Variants in BMAL2 observed in about 807,000 individuals in gnomAD.
The protein encoded by BMAL2 is basic helix-loop-helix ARNT-like protein 2.
chr12:27,418,236 C>A, the BMAL2 span: 1 of 1,324,064 alleles, frequency 7.6e-7, no homozygotes, highest in Non-Finnish European at 1.1e-6. Flanking sequence ...TTTCGTTTAT[C>A]AAAACCCCCC....
chr12:27,349,776 C>A, the BMAL2 span, among the ~76,000 whole-genome samples: 1 of 152,076 alleles, frequency 6.6e-6, no homozygotes, highest in African/African-American at 2.4e-5. Flanking sequence ...GGTCTTTATT[C>A]TAACTTCTAT....
chr12:27,340,985 C>T, the BMAL2 span, among the ~76,000 whole-genome samples: 2 of 152,156 alleles, frequency 1.3e-5, no homozygotes, highest in Non-Finnish European at 2.9e-5. Context: ...TGAAATTATG[C>T]ATCGGCTTAA....
chr12:27,379,027 G>T, the BMAL2 span, among the ~76,000 whole-genome samples: 2 of 151,242 alleles, frequency 1.3e-5, no homozygotes. Context: ...ATGATAGCTA[G>T]TGAGCTAAAA....
chr12:27,400,332 A>G, the BMAL2 span, among the ~76,000 whole-genome samples: 3 of 152,180 alleles, frequency 2.0e-5, no homozygotes, highest in African/African-American at 7.2e-5. Flanking sequence ...AGTTCCTGAG[A>G]AAAATAATCT....
At chr12:27,337,625 TGGA>T in the BMAL2 span, among the ~76,000 whole-genome samples, 1 of 152,194 alleles carries the variant, frequency 6.6e-6, no homozygotes, top group South Asian at 2.1e-4. Flanking sequence ...TTTGTATGTG[TGGA>T]GGAGGAGAAC....
chr12:27,413,264 C>T, the BMAL2 span, among the ~76,000 whole-genome samples: 1 of 152,096 alleles, frequency 6.6e-6, no homozygotes, highest in East Asian at 1.9e-4. Flanking sequence ...ACATAAATCA[C>T]TTTGAATTCT....
the BMAL2 span, among the ~76,000 whole-genome samples, chr12:27,407,370 G>T: frequency 4.7e-3 from 722 of 152,250 alleles, 4 homozygotes; most frequent in African/African-American, 0.016. Flanking sequence ...AAATGTAAAA[G>T]AACAGAAATT....
the BMAL2 span, among the ~76,000 whole-genome samples, chr12:27,342,071 G>A: frequency 3.3e-5 from 5 of 152,012 alleles, no homozygotes; most frequent in East Asian, 7.7e-4. Context: ...CGAATATCTG[G>A]GACCACAGGT....
the BMAL2 span, among the ~76,000 whole-genome samples, chr12:27,415,343 A>G: frequency 2.6e-5 from 4 of 152,192 alleles, no homozygotes; most frequent in Admixed American, 2.6e-4. Flanking sequence ...GTACACCTCA[A>G]TGTCAACTGC....
At chr12:27,362,398 G>A in the BMAL2 span, among the ~76,000 whole-genome samples, 10 of 152,218 alleles carry the variant, frequency 6.6e-5, no homozygotes, top group Admixed American at 2.6e-4. Context: ...AGTGCCTCAC[G>A]ATCACTGGTA....
chr12:27,410,294 A>G, the BMAL2 span, among the ~76,000 whole-genome samples: 5 of 152,232 alleles, frequency 3.3e-5, no homozygotes, highest in African/African-American at 4.8e-5. Context: ...ACACATACAC[A>G]CGTATGTTTA....
At chr12:27,384,421 A>G in the BMAL2 span, among the ~76,000 whole-genome samples, 1 of 152,224 alleles carries the variant, frequency 6.6e-6, no homozygotes, top group African/African-American at 2.4e-5. Flanking sequence ...AGAGGTCTCT[A>G]TATTGCCATT....
At chr12:27,399,340 C>T in the BMAL2 span, among the ~76,000 whole-genome samples, 2 of 152,164 alleles carry the variant, frequency 1.3e-5, no homozygotes, top group Non-Finnish European at 2.9e-5. Context: ...TCTTTGGTGA[C>T]AGAGCACTCA....
the BMAL2 span, among the ~76,000 whole-genome samples, chr12:27,374,666 T>C: frequency 6.6e-6 from 1 of 152,222 alleles, no homozygotes; most frequent in Non-Finnish European, 1.5e-5. Flanking sequence ...TCAGAGAGGC[T>C]GTTTAATTTT....
chr12:27,386,549 G>T, the BMAL2 span, among the ~76,000 whole-genome samples: 1 of 152,124 alleles, frequency 6.6e-6, no homozygotes, highest in Non-Finnish European at 1.5e-5. Flanking sequence ...TCCTCATTCT[G>T]CCCTGTCCTT....
chr12:27,333,519 C>T, the BMAL2 span, among the ~76,000 whole-genome samples: 1 of 152,272 alleles, frequency 6.6e-6, no homozygotes, highest in African/African-American at 2.4e-5. Context: ...TATATTTCTT[C>T]TTTCTTTTGT....
At chr12:27,370,250 T>G in the BMAL2 span, 2 of 1,559,508 alleles carry the variant, frequency 1.3e-6, no homozygotes, top group South Asian at 2.2e-5. Flanking sequence ...GGACTGTCTT[T>G]GACATACTCT....
the BMAL2 span, among the ~76,000 whole-genome samples, chr12:27,369,306 G>A: frequency 6.6e-6 from 1 of 151,556 alleles, no homozygotes; most frequent in African/African-American, 2.4e-5. Context: ...TGGTGGGGGG[G>A]GTGGTATTCA....
chr12:27,390,225 A>T, the BMAL2 span: 1 of 1,613,842 alleles, frequency 6.2e-7, no homozygotes, highest in Non-Finnish European at 8.5e-7. Flanking sequence ...TGCTTACCCA[A>T]CTCAAAGAAG....
Sources: allele counts gnomAD v4.1 joint callset (sites outside exome capture counted in the v4.1 genomes callset), GRCh38; gene constraint gnomAD v4.1.1; transcripts MANE v1.5; gene names NCBI Gene and HGNC (gene_info 2026-07-23, HGNC 2026-07-21).